KALRN: variants seen among roughly 807,000 people sequenced by gnomAD.
KALRN encodes the protein kalirin.
Under a neutral mutation model 353.7 loss-of-function variants are expected in KALRN, and 70 were observed. That is an observed-to-expected ratio of 0.20 (90% CI 0.16 to 0.24). The LOEUF is 0.24. Among genes scored for constraint, KALRN ranks in the 10% least tolerant of loss-of-function variants. The pLI, the probability that KALRN is intolerant of heterozygous loss-of-function variation, is 1.00. For synonymous variants in KALRN, 1,391 were observed against 1,434.8 expected (o/e 0.97, Z 0.69); for missense variants, 2,791 against 3,756.7 (o/e 0.74, Z 6.72).
intron 1 of KALRN, among the ~76,000 whole-genome samples, chr3:124,105,511 A>G (rs1304707952): frequency 1.3e-5 from 2 of 152,232 alleles, no homozygotes; most frequent in Non-Finnish European, 2.9e-5. Context: ...GGGAGACAGG[A>G]TAAGAGAGAT....
chr3:124,202,521 G>T (rs1264518667), intron 1 of KALRN, among the ~76,000 whole-genome samples: 1 of 152,112 alleles, frequency 6.6e-6, no homozygotes, highest in African/African-American at 2.4e-5. Context: ...CAAAGTGCTG[G>T]GATTACAGGT....
chr3:124,289,357 T>C (rs752471188), intron 5 of KALRN, among the ~76,000 whole-genome samples: 3 of 152,318 alleles, frequency 2.0e-5, no homozygotes, highest in South Asian at 2.1e-4. Flanking sequence ...TAAGTCTGTA[T>C]TGGGGAGACC....
intron 14 of KALRN, among the ~76,000 whole-genome samples, chr3:124,416,609 G>GTT (rs902707210): frequency 6.6e-6 from 1 of 152,250 alleles, no homozygotes; most frequent in Non-Finnish European, 1.5e-5. Flanking sequence ...TGAATGCCTG[G>GTT]TTCTGCAGGG....
chr3:124,273,086 G>T (rs1230915719), intron 5 of KALRN, among the ~76,000 whole-genome samples: 1 of 152,224 alleles, frequency 6.6e-6, no homozygotes, highest in African/African-American at 2.4e-5. Flanking sequence ...CTCGCCCCTG[G>T]CCTTGCAGGG....
At chr3:124,539,864 C>T (rs1490798594) in intron 33 of KALRN, among the ~76,000 whole-genome samples, 1 of 151,134 alleles carries the variant, frequency 6.6e-6, no homozygotes, top group Admixed American at 6.6e-5. Flanking sequence ...GGCTCAACCT[C>T]AGCCTCCCCA....
intron 1 of KALRN, among the ~76,000 whole-genome samples, chr3:124,176,491 A>G (rs536580931): frequency 6.6e-6 from 1 of 152,228 alleles, no homozygotes; most frequent in Non-Finnish European, 1.5e-5. Context: ...TGGGATATCA[A>G]TTGGAACCAA....
rs2289778 is a variant in KALRN, at chr3:124,326,102, C to T, written c.1215C>T (p.Phe405=). 1,418,994 of 1,613,528 alleles carry T rather than the reference C, an allele frequency of 0.88. 628,584 individuals are homozygous for T. Among genetic ancestry groups the T allele is most frequent in the Non-Finnish European group, 0.91 (1,068,019 of 1,179,760 alleles). Residue 405 remains phenylalanine (F), a synonymous_variant, in exon 7 of 60, where the codon TTC becomes TTT. Transcript: ENST00000682506. ...AGCTGGACCAGGAGTGGAAGAGCTT[C>T]GCTGCTGCCCTGGATGAACGCAGCA... The part of the protein sequence containing the change: ...STQLDQEWKS[F]AAALDERSTI...
chr3:124,424,566 G>C (rs536211504), intron 15 of KALRN, among the ~76,000 whole-genome samples: 43 of 152,210 alleles, frequency 2.8e-4, no homozygotes, highest in African/African-American at 8.7e-4. Flanking sequence ...TCTGTATTCA[G>C]CACAGATTAA....
At position 124,326,034 on chromosome 3, in the gene KALRN, G is replaced by T; in HGVS notation, c.1147G>T (p.Ala383Ser). 6.2e-7 allele frequency: 1 copy of T among 1,613,762 alleles called. No homozygotes were observed. Among genetic ancestry groups the T allele is most frequent in the African/African-American group, 1.3e-5 (1 of 75,052 alleles). Reference protein sequence around the residue: ...IMSVASRLSEAGHYASQQIKQ... With the variant: ...IMSVASRLSESGHYASQQIKQ... Reference sequence around the variant, plus strand: ...GTCCGTGGCTTCCCGCCTCTCTGAGGCCGGTCATTATGCCTCACAACAAAT... The same window carrying T: ...GTCCGTGGCTTCCCGCCTCTCTGAGTCCGGTCATTATGCCTCACAACAAAT... Residue 383 changes from alanine (A) to serine (S), a missense_variant, in exon 7 of 60, where the codon GCC becomes TCC. Transcript: ENST00000682506.
At chr3:124,452,005 T>C (rs1362509793) in intron 21 of KALRN, among the ~76,000 whole-genome samples, 1 of 152,202 alleles carries the variant, frequency 6.6e-6, no homozygotes. Flanking sequence ...TAGTCCCCTA[T>C]TTAGACACAG....
At chr3:124,684,104 G>A (rs1647561522) in intron 51 of KALRN, among the ~76,000 whole-genome samples, 1 of 151,966 alleles carries the variant, frequency 6.6e-6, no homozygotes, top group South Asian at 2.1e-4. Flanking sequence ...TTCTTTAGTG[G>A]ACCCAGTAAA....
intron 1 of KALRN, among the ~76,000 whole-genome samples, chr3:124,142,197 T>A (rs1446749837): frequency 6.6e-6 from 1 of 152,180 alleles, no homozygotes. Flanking sequence ...TTTGTTTATG[T>A]CTCTCAACTT....
chr3:124,056,729 C>G (rs902032441), intron 1 of KALRN, among the ~76,000 whole-genome samples: 1 of 152,290 alleles, frequency 6.6e-6, no homozygotes, highest in East Asian at 1.9e-4. Context: ...GAAATCCAGC[C>G]GCAACAAACC....
intron 37 of KALRN, among the ~76,000 whole-genome samples, chr3:124,638,080 A>G (rs770152478): frequency 1.1e-4 from 17 of 152,084 alleles, no homozygotes; most frequent in Non-Finnish European, 2.9e-5. Context: ...TTTCACTCTC[A>G]TCCATATCAC....
intron 1 of KALRN, among the ~76,000 whole-genome samples, chr3:124,067,588 GAGA>G (rs772120053): frequency 6.6e-6 from 1 of 152,212 alleles, no homozygotes; most frequent in Non-Finnish European, 1.5e-5. Context: ...TAGAAATGGG[GAGA>G]AGGATCACAT....
chr3:124,473,223 C>T lies in KALRN; in HGVS notation c.4032-1440C>T, dbSNP rs547695458. 1.4e-4 allele frequency among the ~76,000 whole-genome samples: 22 copies of T among 152,260 alleles called. No individual in the cohort carries two copies. In the East Asian group the frequency reaches 2.9e-3, roughly 20 times the overall value. ...TGTAATTAATTATACTGCCAAAATGCGTGGACAATAGAAGCTAGGTAAAGT... is the reference window on the plus strand; with the variant it reads ...TGTAATTAATTATACTGCCAAAATGTGTGGACAATAGAAGCTAGGTAAAGT... On this transcript the variant is annotated intron_variant, in intron 25 of 59. Coordinates refer to ENST00000682506, the MANE Select transcript of KALRN (RefSeq NM_001388419.1).
At chr3:124,440,176 A>C (rs1181833218) in intron 18 of KALRN, among the ~76,000 whole-genome samples, 1 of 152,152 alleles carries the variant, frequency 6.6e-6, no homozygotes, top group Non-Finnish European at 1.5e-5. Context: ...TGCAGAGCTT[A>C]TGATGATTTT....
rs772022707 is a variant in KALRN, at chr3:124,659,435, C to G, written c.6194C>G (p.Thr2065Arg). The G allele has an allele frequency of 6.2e-7, 1 of 1,612,808 alleles. No homozygotes were observed. The highest frequency in any genetic ancestry group is 1.3e-5 in the African/African-American group (1 of 74,870). ...CTCATCAAGCCCATTCAGAGAATAA[C>G]AAAATACCAGTTGCTCCTCAAGGTA... ...DFLIKPIQRI[T>R]KYQLLLKDFL... Residue 2065 changes from threonine (T) to arginine (R), a missense_variant, in exon 43 of 60, where the codon ACA (threonine) becomes AGA (arginine). Physicochemically the swap from Thr to Arg is moderately conservative, Grantham distance 71 (BLOSUM62 -1). Transcript: ENST00000682506.
intron 14 of KALRN, among the ~76,000 whole-genome samples, chr3:124,419,403 G>A (rs1310451759): frequency 2.6e-5 from 4 of 151,370 alleles, no homozygotes; most frequent in Non-Finnish European, 5.9e-5. Flanking sequence ...CCATTTTACA[G>A]ACAAGGAAAT....
Sources: gnomAD v4.1 joint callset for allele counts (sites outside exome capture counted in the v4.1 genomes callset) on GRCh38, gnomAD v4.1.1 for gene constraint, MANE v1.5 for transcripts, NCBI Gene and HGNC (gene_info 2026-07-23, HGNC 2026-07-21) for gene names.